SPAM1: variants seen among roughly 807,000 people sequenced by gnomAD.
The protein encoded by SPAM1 is hyaluronidase PH-20.
A neutral mutation model predicts 29.6 loss-of-function variants in SPAM1; 22 were observed. That is an observed-to-expected ratio of 0.74 (90% confidence interval 0.53 to 1.06). The LOEUF (loss-of-function observed/expected upper bound fraction) is 1.06. SPAM1 is among the 50% of genes least tolerant of loss of function. SPAM1 has a pLI of 0.00. For missense variants in SPAM1, 534 were observed against 604.0 expected (o/e 0.88, Z 1.21); for synonymous variants, 194 against 204.6 (o/e 0.95, Z 0.44).
intron 1 of SPAM1, among the ~76,000 whole-genome samples, chr7:123,937,659 G>A (rs997686833): frequency 6.6e-6 from 1 of 150,762 alleles, no homozygotes. Flanking sequence ...CCCAGCATTC[G>A]TGGAATTTAG....
intron 1 of SPAM1, among the ~76,000 whole-genome samples, chr7:123,930,877 G>A (rs1393317139): frequency 6.6e-6 from 1 of 152,110 alleles, no homozygotes; most frequent in Non-Finnish European, 1.5e-5. Flanking sequence ...AAAACAAAGG[G>A]ACTCGATCCC....
Position 123,953,758 on chromosome 7 carries a change from AATTTGATGAGCCAC to A in SPAM1, c.189_202del (p.Lys63AsnfsTer27). 1.2e-6 allele frequency: 2 copies of A among 1,612,890 alleles called. No individual in the cohort carries two copies. The highest frequency in any genetic ancestry group is 8.5e-7 in the Non-Finnish European group (1 of 1,179,574). ...GCCCCAAGTGAATTTTGTCTTGGAA[AATTTGATGAGCCAC>A]TAGATATGAGCCTCTTCTCTTTCAT... On this transcript the variant is annotated frameshift_variant, in exon 3 of 5. Transcript: ENST00000682466. LOFTEE classifies it high-confidence loss of function.
At chr7:123,947,607 CACACACACACACAG>C (rs1038880692) in intron 1 of SPAM1, 10 of 150,046 alleles carry the variant, frequency 6.7e-5, no homozygotes, top group African/African-American at 2.5e-4. Flanking sequence ...CACACACACA[CACACACACACACAG>C]ACAGGTTCAC....
At chr7:123,946,178 C>T (rs957924339) in intron 1 of SPAM1, among the ~76,000 whole-genome samples, 2 of 152,178 alleles carry the variant, frequency 1.3e-5, no homozygotes, top group African/African-American at 2.4e-5. Context: ...GATTTACCTG[C>T]CTTCCATTGT....
chr7:123,951,736 C>T (rs1261456037), intron 2 of SPAM1, among the ~76,000 whole-genome samples: 1 of 152,120 alleles, frequency 6.6e-6, no homozygotes, highest in Non-Finnish European at 1.5e-5. Context: ...ATTCTCCTGC[C>T]TCAGGCTCCT....
At chr7:123,938,919 A>G (rs1478365163) in intron 1 of SPAM1, among the ~76,000 whole-genome samples, 3 of 152,106 alleles carry the variant, frequency 2.0e-5, no homozygotes, top group Non-Finnish European at 4.4e-5. Flanking sequence ...TAATCGCAGA[A>G]CCGGGATTGG....
At chr7:123,957,360 A>G (rs1212069436) in intron 4 of SPAM1, among the ~76,000 whole-genome samples, 1 of 152,016 alleles carries the variant, frequency 6.6e-6, no homozygotes, top group African/African-American at 2.4e-5. Flanking sequence ...GGGAACAGTA[A>G]ATGCAGTTTG....
chr7:123,959,118 T>C (rs1332799808), intron 4 of SPAM1, among the ~76,000 whole-genome samples: 2 of 152,002 alleles, frequency 1.3e-5, no homozygotes, highest in African/African-American at 2.4e-5. Flanking sequence ...CTACAGCTAG[T>C]CACCAATGGA....
chr7:123,970,336 T>G, intron 6 of SPAM1: 1 of 1,450,544 alleles, frequency 6.9e-7, no homozygotes, highest in Non-Finnish European at 9.3e-7. Context: ...TGTTTCTGTC[T>G]GTGACCTTGT....
Position 123,949,864 on chromosome 7 carries a change from T to C in SPAM1, c.-318-8T>C, listed in dbSNP as rs563538686. Reference sequence around the variant, plus strand: ...TTGAGAGAAAATAATCTTTTTTTTTTTTCAAAGGGATGCTAATGACTAGCC... The same window carrying C: ...TTGAGAGAAAATAATCTTTTTTTTTCTTCAAAGGGATGCTAATGACTAGCC... On this transcript the variant is annotated splice_region_variant and splice_polypyrimidine_tract_variant and intron_variant, in intron 1 of 4. Coordinates refer to ENST00000682466, the MANE Select transcript of SPAM1 (RefSeq NM_153189.3). 5 of 151,934 alleles carry C rather than the reference T, an allele frequency of 3.3e-5. No homozygotes were observed. The East Asian group carries it at 9.7e-4, about 29-fold the overall frequency. 9.4% of individuals were successfully genotyped at this position (151,934 alleles called of 1,614,324 possible). A position where few individuals can be genotyped will look rare whatever the true frequency, so the allele number is the denominator to read the frequency against.
rs760749879 is a variant in SPAM1 at position 123,953,647 on chromosome 7, C to T, written c.77C>T (p.Thr26Ile). Residue 26 changes from threonine to isoleucine, a missense_variant, in exon 3 of 5, where the codon ACC becomes ATC. By Grantham distance (89) the Thr-to-Ile change is moderately conservative. Transcript: ENST00000682466. The stretch of plus-strand genomic sequence containing the variant: ...AGTGGAGTATCCCAGATAGTTTTCA[C>T]CTTCCTTCTGATTCCATGTTGCTTG... ...KSSGVSQIVF[T>I]FLLIPCCLTL... 13 of 1,613,078 alleles carry T rather than the reference C, an allele frequency of 8.1e-6. No homozygotes were observed. The South Asian group carries it at 1.1e-4, about 14-fold the overall frequency.
intron 1 of SPAM1, among the ~76,000 whole-genome samples, chr7:123,930,489 G>A (rs917410014): frequency 1.3e-5 from 2 of 152,114 alleles, no homozygotes; most frequent in Non-Finnish European, 2.9e-5. Flanking sequence ...AGAAAGCAAA[G>A]ACTCTCATTG....
intron 1 of SPAM1, among the ~76,000 whole-genome samples, chr7:123,938,322 A>G (rs1808321212): frequency 6.6e-6 from 1 of 152,192 alleles, no homozygotes; most frequent in Admixed American, 6.5e-5. Context: ...TTAGGAAGAT[A>G]AATAATAAGC....
At position 123,933,725 on chromosome 7, in the gene SPAM1, A is replaced by G. The variant is rs568358470; in HGVS notation, c.-319+8373A>G. 1.4e-4 allele frequency among the ~76,000 whole-genome samples: 21 copies of G among 152,348 alleles called. No homozygotes were observed. In the East Asian group the frequency reaches 1.7e-3, roughly 13 times the overall value. ...ATACAAGGAACTCAAACAACTCATC[A>G]ATGAAAAATAAATACATACATCATT... On this transcript the variant is annotated intron_variant, in intron 1 of 4. Transcript: ENST00000682466.
chr7:123,945,747 T>C (rs1808559666), intron 1 of SPAM1, among the ~76,000 whole-genome samples: 2 of 151,942 alleles, frequency 1.3e-5, no homozygotes, highest in Non-Finnish European at 2.9e-5. Context: ...GAAAAGTAAA[T>C]GAAAGAACAG....
chr7:123,926,596 C>G (rs901015072), intron 1 of SPAM1, among the ~76,000 whole-genome samples: 2 of 152,014 alleles, frequency 1.3e-5, no homozygotes, highest in Non-Finnish European at 2.9e-5. Context: ...CCAAGGTGGT[C>G]GGGGTACAGT....
intron 1 of SPAM1, among the ~76,000 whole-genome samples, chr7:123,927,689 G>A (rs768665975): frequency 2.0e-5 from 3 of 152,282 alleles, no homozygotes; most frequent in East Asian, 1.9e-4. Context: ...GAGTCTATAA[G>A]AGCACCCTGT....
downstream of SPAM1, among the ~76,000 whole-genome samples, chr7:123,961,986 G>A (rs914118245): frequency 1.3e-5 from 2 of 151,898 alleles, no homozygotes; most frequent in South Asian, 2.1e-4. Context: ...TCTCCCACTC[G>A]ATCCCTCCCA....
At position 123,927,390 on chromosome 7, in the gene SPAM1, G is replaced by A. The variant is rs73441501; in HGVS notation, c.-319+2038G>A. 5.0e-3 allele frequency among the ~76,000 whole-genome samples: 769 copies of A among 152,286 alleles called. 12 individuals are homozygous for A. The highest frequency in any genetic ancestry group is 0.014 in the Middle Eastern group (4 of 294). On this transcript the variant is annotated intron_variant, in intron 1 of 4. Coordinates refer to ENST00000682466, the MANE Select transcript of SPAM1 (RefSeq NM_153189.3). Reference sequence around the variant, plus strand: ...AGGAGTTCAATGGCTCCAAGAGCTAGGAAATGAACTCTGAAGTAGCATCGG... The same window carrying A: ...AGGAGTTCAATGGCTCCAAGAGCTAAGAAATGAACTCTGAAGTAGCATCGG...
Sources: allele counts gnomAD v4.1 joint callset (sites outside exome capture counted in the v4.1 genomes callset), GRCh38; gene constraint gnomAD v4.1.1; transcripts MANE v1.5; gene names NCBI Gene and HGNC (gene_info 2026-07-23, HGNC 2026-07-21).